Variants in CNTN5 observed in about 807,000 individuals in gnomAD.
CNTN5 encodes contactin-5.
In CNTN5, 77 loss-of-function variants were observed where a neutral mutation model predicts 129.1. That is an observed-to-expected ratio of 0.60 (90% confidence interval 0.50 to 0.72). CNTN5 has a LOEUF of 0.72. CNTN5 is among the 30% of genes least tolerant of loss of function. CNTN5 has a pLI of 0.00. For synonymous variants in CNTN5, 509 were observed against 465.6 expected (o/e 1.09, Z -1.20); for missense variants, 1,478 against 1,328.8 (o/e 1.11, Z -1.75).
chr11:99,756,293 A>G (rs1944401395), intron 3 of CNTN5, among the ~76,000 whole-genome samples: 1 of 152,116 alleles, frequency 6.6e-6, no homozygotes, highest in Admixed American at 6.6e-5. Flanking sequence ...GGGTTTCTTT[A>G]GTAAGATCTC....
At chr11:99,492,958 G>T (rs916671178) in intron 2 of CNTN5, among the ~76,000 whole-genome samples, 5 of 152,152 alleles carry the variant, frequency 3.3e-5, no homozygotes, top group African/African-American at 9.7e-5. Flanking sequence ...AACAGGAAAA[G>T]TCCCTCTGGA....
chr11:99,088,178 G>T lies in CNTN5; in HGVS notation c.-210+66908G>T, dbSNP rs371677480. ...TCACACACATATACTTCACATGGAGGTCAGTGTCTTTTTTCTATGTTCTCC... is the reference window on the plus strand; with the variant it reads ...TCACACACATATACTTCACATGGAGTTCAGTGTCTTTTTTCTATGTTCTCC... On this transcript the variant is annotated intron_variant, in intron 1 of 24. Coordinates refer to ENST00000524871, the MANE Select transcript of CNTN5 (RefSeq NM_014361.4). Among the ~76,000 whole-genome samples the T allele has an allele frequency of 4.6e-5, 7 of 152,212 alleles. No homozygotes were observed. In the East Asian group the frequency reaches 1.2e-3, roughly 25 times the overall value.
intron 1 of CNTN5, among the ~76,000 whole-genome samples, chr11:99,269,402 T>C (rs986039136): frequency 1.3e-5 from 2 of 151,860 alleles, no homozygotes; most frequent in Non-Finnish European, 2.9e-5. Context: ...ATAAAGATTG[T>C]TTAAAAAATA....
At chr11:100,036,996 C>A (rs1942055299) in intron 9 of CNTN5, among the ~76,000 whole-genome samples, 1 of 151,620 alleles carries the variant, frequency 6.6e-6, no homozygotes, top group Non-Finnish European at 1.5e-5. Context: ...CCAGAACTTC[C>A]AACACTATGT....
intron 1 of CNTN5, among the ~76,000 whole-genome samples, chr11:99,282,361 C>T (rs1306113781): frequency 2.0e-5 from 3 of 151,904 alleles, no homozygotes; most frequent in Non-Finnish European, 2.9e-5. Flanking sequence ...AAGATGATAT[C>T]TGAGTTGAGA....
At chr11:99,514,314 A>G (rs891905101) in intron 2 of CNTN5, among the ~76,000 whole-genome samples, 1 of 152,138 alleles carries the variant, frequency 6.6e-6, no homozygotes, top group Non-Finnish European at 1.5e-5. Context: ...TGCTGTGAAC[A>G]TTGTGGAAAT....
chr11:99,845,352 C>G, intron 6 of CNTN5, 90 bp downstream of exon 6: 1 of 387,042 alleles, frequency 2.6e-6, no homozygotes, highest in Non-Finnish European at 4.4e-6. Flanking sequence ...AAAGAAAAGC[C>G]TAAGATCTCA....
intron 9 of CNTN5, among the ~76,000 whole-genome samples, chr11:100,032,703 T>C (rs1285080028): frequency 1.3e-5 from 2 of 152,184 alleles, no homozygotes; most frequent in African/African-American, 4.8e-5. Flanking sequence ...TGTTTTCTTA[T>C]TGCTGCCCAC....
rs192442712 is a variant in CNTN5, at chr11:99,244,731, G to A, written c.-209-80615G>A. Reference sequence around the variant, plus strand: ...CAAAATCAGACTTTTTGGTGCTTAGGCATATGAATCTGCAAAAAGTACTCT... The same window carrying A: ...CAAAATCAGACTTTTTGGTGCTTAGACATATGAATCTGCAAAAAGTACTCT... On this transcript the variant is annotated intron_variant, in intron 1 of 24. Coordinates refer to ENST00000524871, the MANE Select transcript of CNTN5 (RefSeq NM_014361.4). 9.9e-5 allele frequency among the ~76,000 whole-genome samples: 15 copies of A among 152,204 alleles called. 1 individual carries two copies. Among genetic ancestry groups the A allele is most frequent in the Admixed American group, 9.2e-4 (14 of 15,284 alleles).
intron 9 of CNTN5, among the ~76,000 whole-genome samples, chr11:100,037,596 C>T (rs565860002): frequency 3.4e-4 from 51 of 152,140 alleles, no homozygotes; most frequent in African/African-American, 1.2e-3. Flanking sequence ...TCCATCTGGT[C>T]CTGGACTCTT....
chr11:99,169,530 A>T (rs1482982743), intron 1 of CNTN5, among the ~76,000 whole-genome samples: 1 of 152,166 alleles, frequency 6.6e-6, no homozygotes, highest in Non-Finnish European at 1.5e-5. Context: ...GATGAAACCT[A>T]TGAGCCATTA....
chr11:100,073,698 G>A (rs1172574874), intron 12 of CNTN5, among the ~76,000 whole-genome samples: 2 of 151,884 alleles, frequency 1.3e-5, no homozygotes, highest in Admixed American at 6.6e-5. Context: ...AACATTTAAT[G>A]TTTTATAATA....
intron 8 of CNTN5, among the ~76,000 whole-genome samples, chr11:99,967,357 C>T (rs1951122205): frequency 6.6e-6 from 1 of 152,066 alleles, no homozygotes; most frequent in South Asian, 2.1e-4. Flanking sequence ...TATTGTCTGC[C>T]TATTATGTAT....
chr11:99,582,605 C>T (rs916336879), intron 3 of CNTN5, among the ~76,000 whole-genome samples: 5 of 152,174 alleles, frequency 3.3e-5, no homozygotes, highest in Non-Finnish European at 7.3e-5. Context: ...CCCTTTCTTC[C>T]AGTTGATCTC....
intron 2 of CNTN5, among the ~76,000 whole-genome samples, chr11:99,410,572 A>AAG (rs141586619): frequency 6.6e-6 from 1 of 151,658 alleles, no homozygotes; most frequent in Non-Finnish European, 1.5e-5. Context: ...ACCAGAGAAG[A>AAG]AGAGAGAGAG....
intron 1 of CNTN5, among the ~76,000 whole-genome samples, chr11:99,221,985 A>G (rs1860417685): frequency 6.6e-6 from 1 of 151,986 alleles, no homozygotes; most frequent in African/African-American, 2.4e-5. Context: ...GATTTATGTA[A>G]GTGATAAAAA....
intron 3 of CNTN5, among the ~76,000 whole-genome samples, chr11:99,589,090 G>C (rs1188926223): frequency 6.6e-6 from 1 of 152,158 alleles, no homozygotes; most frequent in Non-Finnish European, 1.5e-5. Context: ...AACATGTTGT[G>C]AAACTATAGA....
chr11:100,316,307 C>T (rs1282653183), intron 21 of CNTN5, among the ~76,000 whole-genome samples: 1 of 152,088 alleles, frequency 6.6e-6, no homozygotes, highest in African/African-American at 2.4e-5. Flanking sequence ...AGCATTTATT[C>T]AGTATCGGGC....
At chr11:99,257,921 T>A (rs1345688354) in intron 1 of CNTN5, among the ~76,000 whole-genome samples, 1 of 152,038 alleles carries the variant, frequency 6.6e-6, no homozygotes, top group African/African-American at 2.4e-5. Context: ...GAAGTATCAT[T>A]CCTATTTTAC....
Sources: allele counts gnomAD v4.1 joint callset (sites outside exome capture counted in the v4.1 genomes callset), GRCh38; gene constraint gnomAD v4.1.1; transcripts MANE v1.5; gene names NCBI Gene and HGNC (gene_info 2026-07-23, HGNC 2026-07-21).